Variants in LINGO2 observed in about 807,000 individuals in gnomAD.
The protein encoded by LINGO2 is leucine-rich repeat and immunoglobulin-like domain-containing nogo receptor-interacting protein 2.
LINGO2 carries 14 observed loss-of-function variants against 30.6 expected under a neutral mutation model. That is an observed-to-expected ratio of 0.46 (90% CI 0.30 to 0.72). The LOEUF (loss-of-function observed/expected upper bound fraction) is 0.72. Ranked by LOEUF, LINGO2 falls within the 30% of genes least tolerant of loss-of-function variation. The pLI, the probability that LINGO2 is intolerant of heterozygous loss-of-function variation, is 0.07. For missense variants in LINGO2, 729 were observed against 751.7 expected, an observed-to-expected ratio of 0.97 and a Z score of 0.35; for synonymous variants, 317 against 288.5, an observed-to-expected ratio of 1.10 and a Z score of -1.00.
chr9:28,926,447 G>A, the LINGO2 span, among the ~76,000 whole-genome samples: 2 of 152,124 alleles, frequency 1.3e-5, no homozygotes, highest in Non-Finnish European at 2.9e-5. Flanking sequence ...ACATTAAGAG[G>A]CTACTCCATC....
the LINGO2 span, among the ~76,000 whole-genome samples, chr9:28,693,874 T>C: frequency 6.6e-6 from 1 of 152,052 alleles, no homozygotes; most frequent in Non-Finnish European, 1.5e-5. Flanking sequence ...ATGTTGTTGG[T>C]GATAGCACTT....
At chr9:28,942,171 G>T in the LINGO2 span, among the ~76,000 whole-genome samples, 1 of 152,104 alleles carries the variant, frequency 6.6e-6, no homozygotes, top group Non-Finnish European at 1.5e-5. Flanking sequence ...AAGCAGAATT[G>T]GCAGACCATA....
At chr9:28,507,251 A>G (rs1303772272) in intron 1 of LINGO2, among the ~76,000 whole-genome samples, 1 of 115,490 alleles carries the variant, frequency 8.7e-6, no homozygotes, top group Non-Finnish European at 1.8e-5. Context: ...GCGTGCGCAC[A>G]TGTGTGTGTA....
the LINGO2 span, among the ~76,000 whole-genome samples, chr9:29,029,833 G>T: frequency 6.6e-6 from 1 of 150,868 alleles, no homozygotes; most frequent in African/African-American, 2.4e-5. Flanking sequence ...CCATTTAGAA[G>T]ATATAAATCA....
At chr9:28,894,905 C>A in the LINGO2 span, among the ~76,000 whole-genome samples, 1 of 152,000 alleles carries the variant, frequency 6.6e-6, no homozygotes, top group South Asian at 2.1e-4. Flanking sequence ...GAACAAAACA[C>A]AGTTATTAAT....
At chr9:28,837,649 A>AAT in the LINGO2 span, among the ~76,000 whole-genome samples, 202 of 75,822 alleles carry the variant, frequency 2.7e-3, 25 homozygotes, top group African/African-American at 6.8e-3. Flanking sequence ...CTCCGTCTAA[A>AAT]ATATATATAT....
chr9:29,134,997 G>T, the LINGO2 span, among the ~76,000 whole-genome samples: 2 of 152,040 alleles, frequency 1.3e-5, no homozygotes, highest in East Asian at 1.9e-4. Context: ...GTGTTTGATA[G>T]ATTCTAATTT....
the LINGO2 span, among the ~76,000 whole-genome samples, chr9:28,893,880 TC>T: frequency 1.3e-5 from 2 of 151,970 alleles, no homozygotes; most frequent in African/African-American, 4.8e-5. Flanking sequence ...TAGGTATATC[TC>T]CTAATGCTAT....
At chr9:28,062,380 G>T (rs1825171265) in intron 4 of LINGO2, among the ~76,000 whole-genome samples, 1 of 149,284 alleles carries the variant, frequency 6.7e-6, no homozygotes, top group Non-Finnish European at 1.5e-5. Flanking sequence ...ATCTCTGTTA[G>T]GATATATGCT....
Position 28,397,376 on chromosome 9 carries a change from T to TATAC in LINGO2, c.-278-24509_-278-24508insGTAT, listed in dbSNP as rs1554716194. 3.2e-3 allele frequency among the ~76,000 whole-genome samples: 294 copies of TATAC among 92,618 alleles called. 1 individual carries two copies. Among genetic ancestry groups the TATAC allele is most frequent in the African/African-American group, 9.9e-3 (287 of 29,074 alleles). The allele number at this position is 92,618 out of a possible 152,430, so 60.8% of individuals were successfully genotyped here. On this transcript the variant is annotated intron_variant, in intron 2 of 5. Coordinates refer to ENST00000379992, the Ensembl canonical transcript of LINGO2. ...TGAAGTATATATATATATATATACA[T>TATAC]ATATATATATACACACATTATGGTA...
intron 4 of LINGO2, among the ~76,000 whole-genome samples, chr9:28,120,652 T>C (rs1827068651): frequency 6.6e-6 from 1 of 152,192 alleles, no homozygotes; most frequent in South Asian, 2.1e-4. Context: ...TGCAGCAATA[T>C]GGTAATTATT....
intron 4 of LINGO2, among the ~76,000 whole-genome samples, chr9:28,216,499 G>A (rs1025014360): frequency 4.6e-5 from 7 of 151,940 alleles, no homozygotes; most frequent in Admixed American, 1.3e-4. Context: ...TGCAATGGCG[G>A]TTGCATTGTA....
At chr9:29,072,786 G>C in the LINGO2 span, among the ~76,000 whole-genome samples, 1 of 151,446 alleles carries the variant, frequency 6.6e-6, no homozygotes, top group Non-Finnish European at 1.5e-5. Context: ...AGCCACTAGT[G>C]CACATGGCCA....
intron 1 of LINGO2, among the ~76,000 whole-genome samples, chr9:28,535,702 GCACA>G (rs147738543): frequency 2.0e-5 from 3 of 147,792 alleles, no homozygotes; most frequent in African/African-American, 7.5e-5. Context: ...GTACGTGCAT[GCACA>G]CACACACACA....
chr9:27,982,219 G>T (rs1043782358), intron 5 of LINGO2, among the ~76,000 whole-genome samples: 2 of 151,760 alleles, frequency 1.3e-5, no homozygotes, highest in African/African-American at 4.8e-5. Flanking sequence ...TACACATTGG[G>T]ACCCTTTCCC....
chr9:28,179,237 T>C (rs1043082311), intron 4 of LINGO2, among the ~76,000 whole-genome samples: 1 of 104,240 alleles, frequency 9.6e-6, no homozygotes, highest in African/African-American at 3.3e-5. Flanking sequence ...TAGTTTCAAC[T>C]CATTTTCTTT....
At chr9:28,885,000 A>AT in the LINGO2 span, among the ~76,000 whole-genome samples, 7 of 69,122 alleles carry the variant, frequency 1.0e-4, no homozygotes, top group African/African-American at 3.6e-4. Flanking sequence ...AATATATTAT[A>AT]TATATATATA....
At chr9:28,350,520 A>G (rs1819824067) in intron 3 of LINGO2, among the ~76,000 whole-genome samples, 2 of 144,254 alleles carry the variant, frequency 1.4e-5, no homozygotes, top group Non-Finnish European at 3.0e-5. Context: ...GTGACCTACA[A>G]AGAGACTTAG....
chr9:28,892,108 C>T, the LINGO2 span, among the ~76,000 whole-genome samples: 1 of 151,862 alleles, frequency 6.6e-6, no homozygotes, highest in Non-Finnish European at 1.5e-5. Flanking sequence ...AAGTATACTA[C>T]ATGGTTGAAA....
Sources: allele counts gnomAD v4.1 joint callset (sites outside exome capture counted in the v4.1 genomes callset), GRCh38; gene constraint gnomAD v4.1.1; transcripts MANE v1.5; gene names NCBI Gene and HGNC (gene_info 2026-07-23, HGNC 2026-07-21).